TBC1D9: variants seen among roughly 807,000 people sequenced by gnomAD.
The protein encoded by TBC1D9 is TBC1 domain family member 9.
Under a neutral mutation model 132.0 loss-of-function variants are expected in TBC1D9, and 63 were observed. That is an observed-to-expected ratio of 0.48 (90% CI 0.39 to 0.59). The LOEUF (loss-of-function observed/expected upper bound fraction) is 0.59. Ranked by LOEUF, TBC1D9 falls within the 20% of genes least tolerant of loss-of-function variation. TBC1D9 has a pLI of 0.00. For synonymous variants in TBC1D9, 610 were observed against 609.9 expected, an observed-to-expected ratio of 1.00 and a Z score of 0.00; for missense variants, 1,261 against 1,592.7, an observed-to-expected ratio of 0.79 and a Z score of 3.54.
chr4:140,678,841 T>C, intron 5 of TBC1D9, 101 bp downstream of exon 5: 1 of 1,404,270 alleles, frequency 7.1e-7, no homozygotes, highest in Non-Finnish European at 9.7e-7. Context: ...AGAAGAGTGT[T>C]CAGAACCCTT....
chr4:140,657,535 A>G lies in TBC1D9; in HGVS notation c.2199T>C (p.Val733=). The change falls in exon 12 of 21, where the codon GTT becomes GTC. Residue 733 remains valine, a synonymous_variant. Transcript: ENST00000442267. The part of the protein sequence containing the change: ...NCKDDGEAMT[V]LGRYLDSVTN... ...TAGGCTTAGTACAATACCTTCCCAAAACGGTCATGGCCTCCCCATCATCCT... is the reference window on the plus strand; with the variant it reads ...TAGGCTTAGTACAATACCTTCCCAAGACGGTCATGGCCTCCCCATCATCCT... The G allele has an allele frequency of 6.2e-7, 1 of 1,613,034 alleles. No individual in the cohort carries two copies. The highest frequency in any genetic ancestry group is 8.5e-7 in the Non-Finnish European group (1 of 1,179,378).
rs1739013882 is a variant in TBC1D9, at chr4:140,756,225, C to A, written c.-180G>T. 2 of 365,812 alleles carry A rather than the reference C, an allele frequency of 5.5e-6. No homozygotes were observed. The highest frequency in any genetic ancestry group is 9.5e-6 in the Non-Finnish European group (2 of 210,082). The allele number at this position is 365,812 out of a possible 1,614,324, so 22.7% of individuals were successfully genotyped here. A position where few individuals can be genotyped will look rare whatever the true frequency, so the allele number is the denominator to read the frequency against. On this transcript the variant is annotated 5_prime_UTR_variant, in exon 1 of 21. Coordinates refer to ENST00000442267, the MANE Select transcript of TBC1D9 (RefSeq NM_015130.3). This position sits in a 1 kb window ranked among gnomAD's most constrained non-coding sequence, Gnocchi z 5.6. ...CGCGGCGTCCGGGCCACAACAAAGC[C>A]CCAGCAGGCGGCCCGGGAGGACGGT...
intron 15 of TBC1D9, among the ~76,000 whole-genome samples, chr4:140,635,596 T>C (rs1736867226): frequency 6.6e-6 from 1 of 152,218 alleles, no homozygotes; most frequent in Non-Finnish European, 1.5e-5. Context: ...ATTTCTATTT[T>C]GCTCTCCCTT....
chr4:140,754,312 T>C (rs1484560856), intron 1 of TBC1D9, among the ~76,000 whole-genome samples: 1 of 152,202 alleles, frequency 6.6e-6, no homozygotes, highest in African/African-American at 2.4e-5. Context: ...GTTGTTGTCC[T>C]AGGCTTAAAG....
chr4:140,731,655 G>A (rs968677083), intron 1 of TBC1D9, among the ~76,000 whole-genome samples: 4 of 147,380 alleles, frequency 2.7e-5, no homozygotes, highest in Admixed American at 7.0e-5. Flanking sequence ...TGGCACCATA[G>A]TTTTAAAACA....
chr4:140,670,150 A>T (rs1416771027), intron 7 of TBC1D9, among the ~76,000 whole-genome samples: 1 of 152,122 alleles, frequency 6.6e-6, no homozygotes, highest in African/African-American at 2.4e-5. Context: ...CACCCCATTG[A>T]GTTTCTGGCG....
intron 1 of TBC1D9, among the ~76,000 whole-genome samples, chr4:140,703,982 T>G (rs965605693): frequency 1.3e-5 from 2 of 152,208 alleles, no homozygotes; most frequent in Admixed American, 1.3e-4. Context: ...ATTGAGTGTT[T>G]GTAATACCTC....
chr4:140,720,995 C>T (rs1446204295), intron 1 of TBC1D9, among the ~76,000 whole-genome samples: 1 of 152,148 alleles, frequency 6.6e-6, no homozygotes, highest in Non-Finnish European at 1.5e-5. Flanking sequence ...TCACCGAGGT[C>T]AGAGCCCTCA....
intron 13 of TBC1D9, chr4:140,641,905 G>A (rs1256693407): frequency 5.0e-6 from 2 of 401,168 alleles, no homozygotes; most frequent in South Asian, 2.6e-5. Flanking sequence ...TCACTCGCAG[G>A]CACTCTCTCG....
At chr4:140,746,467 A>G (rs1272425839) in intron 1 of TBC1D9, among the ~76,000 whole-genome samples, 1 of 152,164 alleles carries the variant, frequency 6.6e-6, no homozygotes, top group African/African-American at 2.4e-5. Flanking sequence ...GAGGAAAATA[A>G]GATTAATATA....
chr4:140,641,479 G>A (rs1307771224), intron 13 of TBC1D9, among the ~76,000 whole-genome samples: 1 of 152,010 alleles, frequency 6.6e-6, no homozygotes, highest in Non-Finnish European at 1.5e-5. Flanking sequence ...TATCAAAATC[G>A]CAGTACAAAC....
In TBC1D9 at chr4:140,623,350, G is replaced by A. The variant is rs543454536; in HGVS notation, c.3079-433C>T. Among the ~76,000 whole-genome samples the A allele has an allele frequency of 2.1e-3, 313 of 152,210 alleles. 2 individuals carry two copies. Among genetic ancestry groups the A allele is most frequent in the African/African-American group, 6.9e-3 (286 of 41,516 alleles). On this transcript the variant is annotated intron_variant, in intron 20 of 20. Coordinates refer to ENST00000442267, the MANE Select transcript of TBC1D9 (RefSeq NM_015130.3). ...CCCAAAGTGCTGGAATTACAGGTGT[G>A]AGCCACCACACCCAGCTTATTTTCC... is the stretch of plus-strand genomic sequence containing the variant.
At chr4:140,645,455 C>A in intron 13 of TBC1D9, 1 of 413,658 alleles carries the variant, frequency 2.4e-6, no homozygotes, top group Non-Finnish European at 4.8e-6. Context: ...CGCGCTTCAG[C>A]TGCGGGCCCC....
At chr4:140,729,223 G>C (rs1738548203) in intron 1 of TBC1D9, among the ~76,000 whole-genome samples, 1 of 152,096 alleles carries the variant, frequency 6.6e-6, no homozygotes, top group Non-Finnish European at 1.5e-5. Context: ...CTCAGAATGT[G>C]AAGCTCTACG....
chr4:140,633,800 A>T (rs1736833894), intron 16 of TBC1D9, 148 bp downstream of exon 16: 1 of 891,776 alleles, frequency 1.1e-6, no homozygotes, highest in Non-Finnish European at 1.7e-6. Flanking sequence ...GCAACGATTT[A>T]TCCATATACT....
At chr4:140,659,128 T>C (rs2110998503) in intron 11 of TBC1D9, among the ~76,000 whole-genome samples, 1 of 152,348 alleles carries the variant, frequency 6.6e-6, no homozygotes, top group African/African-American at 2.4e-5. Flanking sequence ...AAACAGGTGT[T>C]TGCTTTGCAA....
intron 15 of TBC1D9, among the ~76,000 whole-genome samples, chr4:140,636,639 C>A (rs1378616406): frequency 1.3e-5 from 2 of 152,160 alleles, no homozygotes; most frequent in Non-Finnish European, 2.9e-5. Flanking sequence ...CACCCTCCCA[C>A]CTCAGCTTCC....
At chr4:140,670,614 C>T (rs767157331) in intron 7 of TBC1D9, 106 bp downstream of exon 7, 26 of 841,464 alleles carry the variant, frequency 3.1e-5, no homozygotes, top group Non-Finnish European at 4.2e-5. Flanking sequence ...TTGCTTTGGG[C>T]GTCAGACGCA....
chr4:140,703,319 A>G (rs1355643773), intron 1 of TBC1D9, among the ~76,000 whole-genome samples: 2 of 152,318 alleles, frequency 1.3e-5, no homozygotes, highest in East Asian at 3.9e-4. Flanking sequence ...TTTTGTAATA[A>G]TGTCTTGAGG....
Sources: gnomAD v4.1 joint callset for allele counts (sites outside exome capture counted in the v4.1 genomes callset) on GRCh38, gnomAD v4.1.1 for gene constraint, Gnocchi (gnomAD v3.1) non-coding constraint, MANE v1.5 for transcripts, NCBI Gene and HGNC (gene_info 2026-07-23, HGNC 2026-07-21) for gene names.